The following CMTM4 variants were observed in gnomAD, a reference collection of about 807,000 sequenced individuals.
The protein encoded by CMTM4 is CKLF-like MARVEL transmembrane domain-containing protein 4.
CMTM4 carries 8 observed loss-of-function variants against 19.0 expected under a neutral mutation model. The observed-to-expected ratio is 0.42, with a 90% CI of 0.25 to 0.76. The LOEUF (loss-of-function observed/expected upper bound fraction) is 0.76, where lower values mean the gene tolerates loss of function less well. CMTM4 is among the 30% of genes least tolerant of loss of function. The probability of loss-of-function intolerance (pLI) is 0.27; values close to 1 mark genes in which losing one functional copy is unlikely to be tolerated. For missense variants in CMTM4, 228 were observed against 290.2 expected (o/e 0.79, Z 1.56); for synonymous variants, 106 against 121.1 (o/e 0.88, Z 0.82).
chr16:66,625,503 G>GT (rs533905876), intron 2 of CMTM4, among the ~76,000 whole-genome samples: 18 of 151,926 alleles, frequency 1.2e-4, no homozygotes, highest in Non-Finnish European at 2.4e-4. Context: ...AGTATCAGTA[G>GT]TTTTAAATTT....
chr16:66,662,938 T>G (rs2016524103), intron 1 of CMTM4, among the ~76,000 whole-genome samples: 1 of 152,190 alleles, frequency 6.6e-6, no homozygotes. Context: ...CCCTAAACAG[T>G]GCAGTAAAGA....
At chr16:66,605,066 C>T in the CMTM4 span, 1 of 972,232 alleles carries the variant, frequency 1.0e-6, no homozygotes, top group Non-Finnish European at 1.4e-6. The surrounding 1 kb of genome is among the most constrained non-coding windows in gnomAD (Gnocchi z 4.6). Context: ...GATACCCCCT[C>T]TCCGCGCCGC....
intron 1 of CMTM4, among the ~76,000 whole-genome samples, chr16:66,674,952 C>T (rs913055688): frequency 4.0e-5 from 6 of 151,438 alleles, no homozygotes; most frequent in East Asian, 1.9e-4. Flanking sequence ...CATGTTGGGC[C>T]GGCTGGTCTC....
intron 1 of CMTM4, among the ~76,000 whole-genome samples, chr16:66,638,874 C>T (rs2016047511): frequency 6.7e-6 from 1 of 149,662 alleles, no homozygotes; most frequent in African/African-American, 2.5e-5. Flanking sequence ...AAAACAAAAA[C>T]AAAAGCAAAC....
chr16:66,679,350 G>T (rs2016865512), intron 1 of CMTM4, among the ~76,000 whole-genome samples: 1 of 152,002 alleles, frequency 6.6e-6, no homozygotes, highest in Non-Finnish European at 1.5e-5. Context: ...TCTGATTTTA[G>T]CAATTCTTAA....
intron 3 of CMTM4, 83 bp downstream of exon 3, chr16:66,623,321 G>A: frequency 1.1e-6 from 1 of 946,948 alleles, no homozygotes; most frequent in East Asian, 2.5e-5. Context: ...ACAGGAGGGG[G>A]AGCAGGACAC....
the CMTM4 span, among the ~76,000 whole-genome samples, chr16:66,600,152 T>G: frequency 1.3e-5 from 2 of 148,294 alleles, no homozygotes; most frequent in Admixed American, 1.3e-4. Context: ...TTTTGTTTTT[T>G]TTTTTTTTGA....
Position 66,640,174 on chromosome 16 carries a change from G to A in CMTM4, c.187-3593C>T, listed in dbSNP as rs147066465. Among the ~76,000 whole-genome samples the A allele has an allele frequency of 1.9e-3, 292 of 152,128 alleles. 1 individual carries two copies. Among genetic ancestry groups the A allele is most frequent in the African/African-American group, 6.6e-3 (274 of 41,500 alleles). ...CCACTAACTGGGCATGGTGGCGCACGCCTGTAATCCCAGCTACTCCGGAGG... is the reference window on the plus strand; with the variant it reads ...CCACTAACTGGGCATGGTGGCGCACACCTGTAATCCCAGCTACTCCGGAGG... On this transcript the variant is annotated intron_variant, in intron 1 of 3. Transcript: ENST00000394106.
At chr16:66,609,613 C>G in the CMTM4 span, 2 of 1,518,130 alleles carry the variant, frequency 1.3e-6, no homozygotes, top group African/African-American at 1.4e-5. The surrounding 1 kb of genome is among the most constrained non-coding windows in gnomAD (Gnocchi z 4.4). Flanking sequence ...CAGAGCCTTT[C>G]CCTGCTGGGG....
intron 1 of CMTM4, among the ~76,000 whole-genome samples, chr16:66,648,983 A>T (rs933646844): frequency 2.0e-5 from 3 of 152,178 alleles, no homozygotes; most frequent in Admixed American, 6.6e-5. Flanking sequence ...AAAAGAAAAG[A>T]AAAGGAAAAG....
chr16:66,670,465 C>A (rs1307622234), intron 1 of CMTM4, among the ~76,000 whole-genome samples: 2 of 146,082 alleles, frequency 1.4e-5, no homozygotes, highest in Non-Finnish European at 3.0e-5. Context: ...AAAAATCGTG[C>A]ACTTCTCTAT....
chr16:66,608,481 C>G, the CMTM4 span: 2 of 1,612,780 alleles, frequency 1.2e-6, no homozygotes, highest in African/African-American at 1.3e-5. This position sits in a 1 kb window ranked among gnomAD's most constrained non-coding sequence, Gnocchi z 5.1. Flanking sequence ...ACAGGGGCCC[C>G]AGGAGGGAGG....
At chr16:66,604,883 G>T in the CMTM4 span, 1 of 1,429,854 alleles carries the variant, frequency 7.0e-7, no homozygotes, top group East Asian at 3.1e-5. Context: ...CGGTCCCCGG[G>T]CTCCGCGCCC....
chr16:66,660,476 GTC>G (rs1031635374), intron 1 of CMTM4, among the ~76,000 whole-genome samples: 33 of 151,368 alleles, frequency 2.2e-4, no homozygotes, highest in African/African-American at 7.5e-4. Flanking sequence ...ATGTTGTAAA[GTC>G]TATTGATAAG....
the CMTM4 span, chr16:66,605,240 T>C: frequency 3.5e-6 from 1 of 286,184 alleles, no homozygotes. This position sits in a 1 kb window ranked among gnomAD's most constrained non-coding sequence, Gnocchi z 4.6. Flanking sequence ...GGTCCTGCTG[T>C]GTGAGCCAGG....
intron 1 of CMTM4, among the ~76,000 whole-genome samples, chr16:66,668,901 T>C (rs1004109150): frequency 6.6e-6 from 1 of 152,166 alleles, no homozygotes; most frequent in African/African-American, 2.4e-5. Flanking sequence ...GAATACAAAA[T>C]GGTATAGCTA....
intron 1 of CMTM4, among the ~76,000 whole-genome samples, chr16:66,672,502 A>C (rs1389170410): frequency 1.3e-5 from 2 of 150,488 alleles, no homozygotes; most frequent in Non-Finnish European, 3.0e-5. Flanking sequence ...ATATTATTAT[A>C]TATAGGCTGA....
intron 1 of CMTM4, among the ~76,000 whole-genome samples, chr16:66,671,315 C>T (rs1316579089): frequency 6.6e-6 from 1 of 152,030 alleles, no homozygotes; most frequent in Non-Finnish European, 1.5e-5. Flanking sequence ...GCAAGCGGCA[C>T]GGGTGGCTGG....
At position 66,638,583 on chromosome 16, in the gene CMTM4, G is replaced by A. The variant is rs142965465; in HGVS notation, c.187-2002C>T. 2.7e-3 allele frequency among the ~76,000 whole-genome samples: 411 copies of A among 152,330 alleles called. 2 individuals carry two copies. The highest frequency in any genetic ancestry group is 8.9e-3 in the African/African-American group (370 of 41,580). ...TTGTTGAGAGGAGATTTTAGGCTGG[G>A]TGTGGTGGCTCATGCCTGTAATCCC... On this transcript the variant is annotated intron_variant, in intron 1 of 3. Coordinates refer to ENST00000394106, the MANE Select transcript of CMTM4 (RefSeq NM_181521.3).
Sources: gnomAD v4.1 joint callset for allele counts (sites outside exome capture counted in the v4.1 genomes callset) on GRCh38, gnomAD v4.1.1 for gene constraint, Gnocchi (gnomAD v3.1) non-coding constraint, MANE v1.5 for transcripts, NCBI Gene and HGNC (gene_info 2026-07-23, HGNC 2026-07-21) for gene names.